Variants in RASA3 observed in about 807,000 individuals in gnomAD.
The protein encoded by RASA3 is RAS p21 protein activator 3, also known as ras GTPase-activating protein 3.
A neutral mutation model predicts 110.0 loss-of-function variants in RASA3; 73 were observed. The observed-to-expected ratio is 0.66, with a 90% CI of 0.55 to 0.81. The LOEUF is 0.81. Ranked by LOEUF, RASA3 falls within the 30% of genes least tolerant of loss-of-function variation. The pLI is 0.00. For synonymous variants in RASA3, 500 were observed against 451.4 expected (o/e 1.11, Z -1.37); for missense variants, 976 against 1,113.2 (o/e 0.88, Z 1.75).
chr13:114,046,441 A>C (rs9525216), intron 3 of RASA3, among the ~76,000 whole-genome samples: 2 of 152,036 alleles, frequency 1.3e-5, no homozygotes, highest in Non-Finnish European at 2.9e-5. Flanking sequence ...CCCCATAGGC[A>C]GGGTGTTGAG....
rs200387011 is a variant in RASA3 at position 114,012,918 on chromosome 13, C to T, written c.1512+224G>A. On this transcript the variant is annotated intron_variant, in intron 15 of 23. Transcript: ENST00000334062. The stretch of plus-strand genomic sequence containing the variant: ...CCTTCCACACTCCCCACGCAGTCCA[C>T]GCACTCCACACACTCCTCATTCCAC... 3.7e-3 allele frequency among the ~76,000 whole-genome samples: 525 copies of T among 140,588 alleles called. 5 individuals are homozygous for T. In the East Asian group the frequency reaches 0.039, roughly 10 times the overall value. 92.2% of individuals were successfully genotyped at this position (140,588 alleles called of 152,430 possible).
At chr13:114,104,980 G>A (rs1380338320) in intron 1 of RASA3, among the ~76,000 whole-genome samples, 2 of 151,738 alleles carry the variant, frequency 1.3e-5, no homozygotes, top group African/African-American at 4.8e-5. Context: ...CAGGAAGGGT[G>A]GCCCCCAGGC....
intron 1 of RASA3, among the ~76,000 whole-genome samples, chr13:114,128,176 C>G (rs1272386554): frequency 1.3e-5 from 2 of 152,238 alleles, no homozygotes; most frequent in African/African-American, 4.8e-5. Context: ...TGCCAAGGCC[C>G]ATGTGTGGCC....
In RASA3 at chr13:114,056,614, T is replaced by TGGCCACCTTCTGG. The variant is rs2079250483; in HGVS notation, c.174-4460_174-4459insCCAGAAGGTGGCC. On this transcript the variant is annotated intron_variant, in intron 2 of 23. Coordinates refer to ENST00000334062, the MANE Select transcript of RASA3 (RefSeq NM_007368.4). The surrounding 1 kb of genome is among the most constrained non-coding windows in gnomAD (Gnocchi z 5.7). ...TCGGTGGGGGGAGGCCCGTGCTGGC[T>TGGCCACCTTCTGG]GGGCACCTGGGAGGGTCCCGTGAGG... The TGGCCACCTTCTGG allele has an allele frequency of 1.0e-6, 1 of 984,394 alleles. No individual in the cohort carries two copies. The highest frequency in any genetic ancestry group is 6.2e-5 in the Admixed American group (1 of 16,182). 61.0% of individuals were successfully genotyped at this position (984,394 alleles called of 1,614,324 possible).
At chr13:114,002,714 T>C (rs1045721877) in intron 18 of RASA3, among the ~76,000 whole-genome samples, 2 of 152,200 alleles carry the variant, frequency 1.3e-5, no homozygotes, top group Admixed American at 6.5e-5. Context: ...AAGGCAGCAC[T>C]GAGTGGAGAG....
rs181760734 is a variant in RASA3 at position 114,004,184 on chromosome 13, T to C, written c.1743-3252A>G. 4.1e-4 allele frequency among the ~76,000 whole-genome samples: 63 copies of C among 152,264 alleles called. 1 individual carries two copies. In the Middle Eastern group the frequency reaches 0.014, roughly 33 times the overall value. Reference sequence around the variant, plus strand: ...CAGAGATGATCCAGGTTTCAGCAGATGGCTCTAACAGAGTATCCACAAAAA... The same window carrying C: ...CAGAGATGATCCAGGTTTCAGCAGACGGCTCTAACAGAGTATCCACAAAAA... On this transcript the variant is annotated intron_variant, in intron 18 of 23. Coordinates refer to ENST00000334062, the MANE Select transcript of RASA3 (RefSeq NM_007368.4).
At chr13:114,073,914 G>A (rs1354716487) in intron 1 of RASA3, 77 bp from the exon 2 acceptor site, 2 of 1,293,208 alleles carry the variant, frequency 1.5e-6, no homozygotes, top group East Asian at 4.6e-5. Context: ...CACGTTTCCA[G>A]CCTTTGCTTG....
chr13:114,125,091 C>T (rs190225812), intron 1 of RASA3, among the ~76,000 whole-genome samples: 112 of 152,248 alleles, frequency 7.4e-4, no homozygotes, highest in African/African-American at 2.2e-3. Context: ...TGGTGTTGGG[C>T]GCTCTCATTT....
intron 3 of RASA3, among the ~76,000 whole-genome samples, chr13:114,051,405 C>T (rs72659554): frequency 0.11 from 16,366 of 152,302 alleles, 1,152 homozygotes; most frequent in Middle Eastern, 0.18. Flanking sequence ...CTGCTCCTGA[C>T]GGGGTCCTCT....
intron 21 of RASA3, among the ~76,000 whole-genome samples, chr13:113,993,805 C>CAA (rs1566450353): frequency 9.7e-5 from 4 of 41,344 alleles, no homozygotes; most frequent in African/African-American, 6.5e-4. Flanking sequence ...GAGACTCTGC[C>CAA]TAAAAAAAAA....
intron 15 of RASA3, among the ~76,000 whole-genome samples, chr13:114,012,531 C>T (rs372031922): frequency 6.7e-6 from 1 of 149,224 alleles, no homozygotes; most frequent in East Asian, 2.0e-4. Flanking sequence ...GCATTCCACA[C>T]ACACTCCTCA....
chr13:114,040,143 C>T (rs192115442), intron 4 of RASA3, among the ~76,000 whole-genome samples: 1 of 152,252 alleles, frequency 6.6e-6, no homozygotes, highest in Non-Finnish European at 1.5e-5. Flanking sequence ...CAAAGGGCGG[C>T]AGTAGGCAAA....
intron 12 of RASA3, 111 bp from the exon 13 acceptor site, chr13:114,016,382 A>T: frequency 1.2e-6 from 1 of 841,424 alleles, no homozygotes. Flanking sequence ...CCTCATCCAG[A>T]AAATGCCACG....
At chr13:113,995,157 AG>A (rs1227853548) in intron 21 of RASA3, among the ~76,000 whole-genome samples, 1 of 152,208 alleles carries the variant, frequency 6.6e-6, no homozygotes, top group East Asian at 1.9e-4. Context: ...ATGGCCTGGA[AG>A]GAAGCCTCCT....
chr13:114,001,085 A>G (rs917872465), intron 18 of RASA3, among the ~76,000 whole-genome samples, 153 bp from the exon 19 acceptor site: 4 of 152,176 alleles, frequency 2.6e-5, no homozygotes, highest in Non-Finnish European at 4.4e-5. Context: ...TGAGATTAAA[A>G]TTGGAAGGCA....
Position 114,015,451 on chromosome 13 carries a change from G to T in RASA3, c.1282-119C>A, listed in dbSNP as rs939389211. On this transcript the variant is annotated intron_variant, in intron 13 of 23. Coordinates refer to ENST00000334062, the MANE Select transcript of RASA3 (RefSeq NM_007368.4). ...GGCTGAGGGCGGGCGCAGGGCAGCT[G>T]CGGCAGTGAGACACGTGTGAACAGC... 7.8e-6 allele frequency: 10 copies of T among 1,279,198 alleles called. No individual in the cohort carries two copies. In the African/African-American group the frequency reaches 1.3e-4, roughly 17 times the overall value. The allele number at this position is 1,279,198 out of a possible 1,614,324, so 79.2% of individuals were successfully genotyped here. A position where few individuals can be genotyped will look rare whatever the true frequency, so the allele number is the denominator to read the frequency against.
intron 1 of RASA3, among the ~76,000 whole-genome samples, chr13:114,074,821 T>C (rs915860362): frequency 6.6e-6 from 1 of 152,216 alleles, no homozygotes; most frequent in African/African-American, 2.4e-5. Flanking sequence ...AGGTCATAAC[T>C]GAACCCCAGC....
At chr13:114,030,376 G>GCAAGACTCACGCAGAGA (rs2054127376) in intron 4 of RASA3, among the ~76,000 whole-genome samples, 4 of 117,946 alleles carry the variant, frequency 3.4e-5, no homozygotes, top group African/African-American at 1.1e-4. Flanking sequence ...TCACACAGAG[G>GCAAGACTCACGCAGAGA]GCAAGACTCA....
chr13:114,015,910 G>A (rs183437227), intron 13 of RASA3, among the ~76,000 whole-genome samples: 2 of 152,136 alleles, frequency 1.3e-5, no homozygotes, highest in South Asian at 2.1e-4. Flanking sequence ...GACCCTCCGG[G>A]GGGGCAGAGC....
Sources: allele counts gnomAD v4.1 joint callset (sites outside exome capture counted in the v4.1 genomes callset), GRCh38; gene constraint gnomAD v4.1.1; non-coding constraint Gnocchi (gnomAD v3.1); transcripts MANE v1.5; gene names NCBI Gene and HGNC (gene_info 2026-07-23, HGNC 2026-07-21).